Variants in KATNIP observed in about 807,000 individuals in gnomAD.
KATNIP encodes the protein katanin-interacting protein.
A neutral mutation model predicts 174.0 loss-of-function variants in KATNIP; 126 were observed. The ratio of observed to expected loss-of-function variants is 0.72; its 90% CI spans 0.63 to 0.84. The LOEUF (loss-of-function observed/expected upper bound fraction) is 0.84, where lower values mean the gene tolerates loss of function less well. Among genes scored for constraint, KATNIP ranks in the 40% least tolerant of loss-of-function variants. KATNIP has a pLI of 0.00. For missense variants in KATNIP, 1,958 were observed against 2,109.7 expected, an observed-to-expected ratio of 0.93 and a Z score of 1.41; for synonymous variants, 810 against 835.7, an observed-to-expected ratio of 0.97 and a Z score of 0.53.
intron 2 of KATNIP, among the ~76,000 whole-genome samples, chr16:27,599,161 T>G (rs1209184196): frequency 6.6e-6 from 1 of 152,108 alleles, no homozygotes; most frequent in African/African-American, 2.4e-5. Flanking sequence ...GTGGAAATGC[T>G]TCAGGAACAC....
chr16:27,688,355 G>C (rs777235821), intron 8 of KATNIP, among the ~76,000 whole-genome samples: 4 of 152,204 alleles, frequency 2.6e-5, no homozygotes, highest in Non-Finnish European at 5.9e-5. Context: ...CACTTTGGGA[G>C]GCTGAGGAGG....
chr16:27,752,420 A>T (rs554104259), intron 17 of KATNIP, among the ~76,000 whole-genome samples: 1 of 152,244 alleles, frequency 6.6e-6, no homozygotes, highest in Admixed American at 6.5e-5. Context: ...GACTATTAAC[A>T]TTGCCATTTC....
intron 2 of KATNIP, among the ~76,000 whole-genome samples, chr16:27,582,369 T>A (rs1023820367): frequency 6.6e-6 from 1 of 152,210 alleles, no homozygotes; most frequent in Non-Finnish European, 1.5e-5. Context: ...CTCTGCACTT[T>A]TACGGGAATG....
intron 6 of KATNIP, among the ~76,000 whole-genome samples, chr16:27,660,606 T>G (rs1469334791): frequency 6.7e-6 from 1 of 150,252 alleles, no homozygotes; most frequent in South Asian, 2.1e-4. Flanking sequence ...CGATACATAA[T>G]AGTTTGTGGA....
intron 5 of KATNIP, among the ~76,000 whole-genome samples, chr16:27,642,356 G>C (rs1161174100): frequency 6.6e-6 from 1 of 152,144 alleles, no homozygotes; most frequent in African/African-American, 2.4e-5. Context: ...GGTGGGAATT[G>C]AACAATGAGA....
rs371144006 is a variant in KATNIP at position 27,612,146 on chromosome 16, G to A, written c.64-6279G>A. 9.2e-5 allele frequency among the ~76,000 whole-genome samples: 14 copies of A among 152,322 alleles called. No homozygotes were observed. The South Asian group carries it at 2.9e-3, about 32-fold the overall frequency. ...CACTTATAACTAATGTTCATTGAGA[G>A]CTTTGTAAGTGCCAGGTACTGTGCT... is the stretch of plus-strand genomic sequence containing the variant. On this transcript the variant is annotated intron_variant, in intron 2 of 27. Transcript: ENST00000261588.
At chr16:27,551,623 G>C (rs893807348) in intron 1 of KATNIP, among the ~76,000 whole-genome samples, 17 of 152,190 alleles carry the variant, frequency 1.1e-4, no homozygotes, top group Non-Finnish European at 2.4e-4. Context: ...ATGGACTCGT[G>C]CCTGTAATCC....
intron 6 of KATNIP, among the ~76,000 whole-genome samples, chr16:27,676,360 A>G (rs1245246675): frequency 6.6e-6 from 1 of 152,194 alleles, no homozygotes; most frequent in Non-Finnish European, 1.5e-5. Context: ...TGGTGCCTGT[A>G]ACATCTATAT....
At chr16:27,563,160 A>G (rs1338251530) in intron 1 of KATNIP, among the ~76,000 whole-genome samples, 3 of 152,184 alleles carry the variant, frequency 2.0e-5, no homozygotes, top group East Asian at 3.8e-4. Context: ...ACATATTAAT[A>G]AGAAAATGTC....
At chr16:27,680,760 TC>T (rs1417958659) in intron 7 of KATNIP, among the ~76,000 whole-genome samples, 13 of 152,180 alleles carry the variant, frequency 8.5e-5, no homozygotes, top group Admixed American at 6.5e-5. Context: ...AGTGGCACAA[TC>T]TCAGCTCACT....
intron 2 of KATNIP, among the ~76,000 whole-genome samples, chr16:27,576,195 C>G (rs1014682192): frequency 5.3e-5 from 8 of 152,170 alleles, no homozygotes; most frequent in Admixed American, 3.9e-4. Flanking sequence ...CTCTCTCTGT[C>G]TCTCTCTAGC....
At chr16:27,741,456 A>G (rs756698451) in intron 15 of KATNIP, among the ~76,000 whole-genome samples, 7 of 151,852 alleles carry the variant, frequency 4.6e-5, no homozygotes, top group Non-Finnish European at 8.8e-5. Flanking sequence ...AAAAGAAAAA[A>G]TAATAACACA....
chr16:27,721,240 G>T (rs1003963161), intron 13 of KATNIP, among the ~76,000 whole-genome samples: 2 of 152,090 alleles, frequency 1.3e-5, no homozygotes, highest in Non-Finnish European at 2.9e-5. Flanking sequence ...CTCCCCCAGC[G>T]CTCTCCTCAA....
At chr16:27,633,557 G>A (rs1280796431) in intron 5 of KATNIP, among the ~76,000 whole-genome samples, 3 of 151,710 alleles carry the variant, frequency 2.0e-5, no homozygotes, top group African/African-American at 7.3e-5. Context: ...CTCCCAAAGT[G>A]CTGAGATTTC....
intron 4 of KATNIP, 96 bp from the exon 5 acceptor site, chr16:27,630,969 C>A: frequency 1.1e-6 from 1 of 915,678 alleles, no homozygotes; most frequent in Non-Finnish European, 1.7e-6. Context: ...TTTGGGCACA[C>A]TGATACGCAT....
At chr16:27,625,499 G>A (rs1316993525) in intron 3 of KATNIP, among the ~76,000 whole-genome samples, 3 of 152,220 alleles carry the variant, frequency 2.0e-5, no homozygotes, top group South Asian at 2.1e-4. Context: ...TCTTGCAAGC[G>A]TAGCTATTGC....
Position 27,637,017 on chromosome 16 carries a change from A to G in KATNIP, c.408+5855A>G, listed in dbSNP as rs2142218923. ...GCCTCCTGCCAGCTGCACAGTGGCT[A>G]AGACGCTTAACCCCTTGGTGCCTGC... On this transcript the variant is annotated intron_variant, in intron 5 of 27. Transcript: ENST00000261588. This position sits in a 1 kb window ranked among gnomAD's most constrained non-coding sequence, Gnocchi z 4.7. Among the ~76,000 whole-genome samples the G allele has an allele frequency of 6.6e-6, 1 of 152,376 alleles. No homozygotes were observed. Among genetic ancestry groups the G allele is most frequent in the African/African-American group, 2.4e-5 (1 of 41,588 alleles).
chr16:27,725,917 A>G (rs1414056223), intron 14 of KATNIP, among the ~76,000 whole-genome samples: 2 of 152,182 alleles, frequency 1.3e-5, no homozygotes, highest in African/African-American at 2.4e-5. Context: ...ATTGTTTTTG[A>G]TAAATGAATG....
intron 2 of KATNIP, among the ~76,000 whole-genome samples, chr16:27,599,368 G>A (rs1261284857): frequency 6.6e-6 from 1 of 152,240 alleles, no homozygotes; most frequent in East Asian, 1.9e-4. Context: ...GAAGCAGCCA[G>A]AAGAGCTGAG....
Sources: allele counts gnomAD v4.1 joint callset (sites outside exome capture counted in the v4.1 genomes callset), GRCh38; gene constraint gnomAD v4.1.1; non-coding constraint Gnocchi (gnomAD v3.1); transcripts MANE v1.5; gene names NCBI Gene and HGNC (gene_info 2026-07-23, HGNC 2026-07-21).